ABHD1: variants seen among roughly 807,000 people sequenced by gnomAD.
The protein encoded by ABHD1 is abhydrolase domain containing 1.
In ABHD1, 47 loss-of-function variants were observed where a neutral mutation model predicts 41.4. The ratio of observed to expected loss-of-function variants is 1.13; its 90% CI spans 0.90 to 1.45. ABHD1 has a LOEUF of 1.45. Among genes scored for constraint, ABHD1 ranks in the 40% most tolerant of loss-of-function variants. ABHD1 has a pLI of 0.00. For missense variants in ABHD1, 550 were observed against 503.4 expected, an observed-to-expected ratio of 1.09 and a Z score of -0.89; for synonymous variants, 205 against 203.7, an observed-to-expected ratio of 1.01 and a Z score of -0.05.
chr2:27,124,645 T>C (rs1671882256), intron 1 of ABHD1: 1 of 201,544 alleles, frequency 5.0e-6, no homozygotes. Flanking sequence ...CTTTTCTCAC[T>C]GAAATTTAGA....
At chr2:27,128,832 A>G in intron 2 of ABHD1, 113 bp from the exon 3 acceptor site, 1 of 1,327,334 alleles carries the variant, frequency 7.5e-7, no homozygotes, top group Non-Finnish European at 1.0e-6. Context: ...ACACCCTCAG[A>G]TGATGCTGAC....
chr2:27,130,073 G>C (rs768532603), intron 6 of ABHD1, 32 bp from the exon 7 acceptor site: 1 of 1,613,994 alleles, frequency 6.2e-7, no homozygotes, highest in Admixed American at 1.7e-5. Flanking sequence ...TCAGATCCAG[G>C]TGTCAAGCCA....
At position 27,127,236 on chromosome 2, in the gene ABHD1, CTTTTTTTT is replaced by C. The variant is rs61505752; in HGVS notation, c.115-1186_115-1179del. On this transcript the variant is annotated intron_variant, in intron 1 of 8. Coordinates refer to ENST00000316470, the MANE Select transcript of ABHD1 (RefSeq NM_032604.4). The stretch of plus-strand genomic sequence containing the variant: ...TAGGAAGAAGACAGTGTAGCTTCAT[CTTTTTTTT>C]TTTTTTTTTTTTTTTTTTAAGACGG... 1.6e-3 allele frequency among the ~76,000 whole-genome samples: 129 copies of C among 82,742 alleles called. 1 individual carries two copies. The highest frequency in any genetic ancestry group is 8.1e-3 in the Middle Eastern group (1 of 124). 54.3% of individuals were successfully genotyped at this position (82,742 alleles called of 152,430 possible).
Position 27,128,353 on chromosome 2 carries a change from A to AG in ABHD1, c.115-83dup. ...GGGTCCTCCAGGCTGGGCTCTGGAG[A>AG]GGGGGCCCCCTCACCCTCTGGTGTT... On this transcript the variant is annotated intron_variant, in intron 1 of 8. Transcript: ENST00000316470. The AG allele has an allele frequency of 6.4e-6, 10 of 1,572,332 alleles. No homozygotes were observed. The South Asian group carries it at 1.0e-4, about 16-fold the overall frequency.
chr2:27,124,076 C>G lies in ABHD1; in HGVS notation c.114+14C>G, dbSNP rs759639089. 1.9e-6 allele frequency: 3 copies of G among 1,611,432 alleles called. No homozygotes were observed. Among genetic ancestry groups the G allele is most frequent in the Admixed American group, 1.7e-5 (1 of 60,016 alleles). ...TGTGTGCTTCAGGTGGGTGCGGGTC[C>G]ACCGCTCTGGCCAGCGGGTTTGGGT... is the stretch of plus-strand genomic sequence containing the variant. On this transcript the variant is annotated intron_variant, in intron 1 of 8. Coordinates refer to ENST00000316470, the MANE Select transcript of ABHD1 (RefSeq NM_032604.4).
chr2:27,124,387 T>A (rs555255379), intron 1 of ABHD1: 2 of 397,034 alleles, frequency 5.0e-6, no homozygotes, highest in East Asian at 1.3e-4. Flanking sequence ...GCTGAGTCTT[T>A]CAGCTGCACT....
chr2:27,124,272 G>T (rs1469662298), intron 1 of ABHD1: 1 of 667,726 alleles, frequency 1.5e-6, no homozygotes, highest in Non-Finnish European at 2.8e-6. Context: ...GTACCGGAGG[G>T]TGCTGCTCCC....
intron 1 of ABHD1, chr2:27,125,630 T>C (rs1456786437): frequency 6.6e-6 from 1 of 152,192 alleles, no homozygotes; most frequent in East Asian, 1.9e-4. Context: ...CCGAGCACAG[T>C]GGCTCATGCC....
chr2:27,129,301 CTGTG>C lies in ABHD1; in HGVS notation c.459-10_459-7del, dbSNP rs1672114844. ...TAAGAAGGGTCTGGCTAAGATGTACCTGTGTGTGCCACAGGGCTGTCGTGTTTAA... is the reference window on the plus strand; with the variant it reads ...TAAGAAGGGTCTGGCTAAGATGTACCTGTGCCACAGGGCTGTCGTGTTTAA... On this transcript the variant is annotated splice_polypyrimidine_tract_variant and intron_variant, in intron 3 of 8. Transcript: ENST00000316470. The C allele has an allele frequency of 6.2e-7, 1 of 1,614,098 alleles. No individual in the cohort carries two copies.
intron 6 of ABHD1, 56 bp downstream of exon 6, chr2:27,129,983 C>A: frequency 6.2e-7 from 1 of 1,611,140 alleles, no homozygotes; most frequent in Non-Finnish European, 8.5e-7. Flanking sequence ...GCAGACACTC[C>A]AGGCTCTCCT....
At chr2:27,129,223 C>A in intron 3 of ABHD1, 93 bp from the exon 4 acceptor site, 8 of 1,597,240 alleles carry the variant, frequency 5.0e-6, no homozygotes, top group Non-Finnish European at 6.0e-6. Flanking sequence ...GAATGCTACA[C>A]AAAGGGAGTC....
Position 27,128,490 on chromosome 2 carries a change from ACT to A in ABHD1, c.165_166del (p.His55GlnfsTer16), listed in dbSNP as rs1337211972. On this transcript the variant is annotated frameshift_variant, in exon 2 of 9. Coordinates refer to ENST00000316470, the MANE Select transcript of ABHD1 (RefSeq NM_032604.4). LOFTEE classifies it high-confidence loss of function. ...CAGTTTCTGGCCTTCCTGGAGCCAC[ACT>A]GTTCCATCACCACCGAGACTTTCTA... The A allele has an allele frequency of 6.2e-7, 1 of 1,613,226 alleles. No individual in the cohort carries two copies. The highest frequency in any genetic ancestry group is 8.5e-7 in the Non-Finnish European group (1 of 1,179,812).
chr2:27,129,002 T>TGACAGCAGCCA lies in ABHD1; in HGVS notation c.334_344dup (p.Asp116ThrfsTer32). On this transcript the variant is annotated frameshift_variant, in exon 3 of 9. Transcript: ENST00000316470. LOFTEE classifies it high-confidence loss of function. ...TCCTGCTAGACTGGGCCAAGCAGCC[T>TGACAGCAGCCA]GACAGCAGCCAAGACCCTGATCCTA... 6.2e-7 allele frequency: 1 copy of TGACAGCAGCCA among 1,614,204 alleles called. No individual in the cohort carries two copies. The highest frequency in any genetic ancestry group is 8.5e-7 in the Non-Finnish European group (1 of 1,180,028).
chr2:27,126,432 G>A (rs1671956915), intron 1 of ABHD1: 1 of 152,234 alleles, frequency 6.6e-6, no homozygotes, highest in Admixed American at 6.5e-5. Flanking sequence ...TATCGACTTG[G>A]CATCTCTACC....
At chr2:27,124,295 A>T (rs1481936148) in intron 1 of ABHD1, 1 of 627,294 alleles carries the variant, frequency 1.6e-6, no homozygotes, top group Non-Finnish European at 3.0e-6. Context: ...TAATGTGGAC[A>T]AGCATTTGGG....
In ABHD1 at chr2:27,130,238, G is replaced by C. The variant is rs777763695; in HGVS notation, c.841-13G>C. The C allele has an allele frequency of 6.2e-7, 1 of 1,614,070 alleles. No homozygotes were observed. Among genetic ancestry groups the C allele is most frequent in the Admixed American group, 1.7e-5 (1 of 59,986 alleles). On this transcript the variant is annotated splice_polypyrimidine_tract_variant and intron_variant, in intron 7 of 8. Transcript: ENST00000316470. Reference sequence around the variant, plus strand: ...CTTTATCATCTTAGCCTATCCTATGGTAAGACCTGCAGGCCCGTACAATCC... The same window carrying C: ...CTTTATCATCTTAGCCTATCCTATGCTAAGACCTGCAGGCCCGTACAATCC...
chr2:27,128,885 G>A (rs1043098597), intron 2 of ABHD1, 60 bp from the exon 3 acceptor site: 2 of 1,560,682 alleles, frequency 1.3e-6, no homozygotes, highest in South Asian at 1.2e-5. Flanking sequence ...AGGGGGCAAA[G>A]CTTTTGAATT....
Position 27,130,115 on chromosome 2 carries a change from G to T in ABHD1, c.802G>T (p.Val268Leu). 6.2e-7 allele frequency: 1 copy of T among 1,614,202 alleles called. No individual in the cohort carries two copies. Among genetic ancestry groups the T allele is most frequent in the Non-Finnish European group, 8.5e-7 (1 of 1,180,042 alleles). Residue 268 changes from valine (V) to leucine (L), a missense_variant, in exon 7 of 9, where the codon GTG becomes TTG. By Grantham distance (32) the Val-to-Leu change is conservative (BLOSUM62 1). Transcript: ENST00000316470. ...TATGTACTTTTGCAGAAACAGAAAG[G>T]TGATTGAAAAGGTGGTGGACATAGA... ...LCQLVERNRK[V>L]IEKVVDIDFV... is the part of the protein sequence containing the mutation.
chr2:27,129,661 TCTTC>T (rs1160574796), intron 5 of ABHD1, 35 bp downstream of exon 5: 4 of 1,609,768 alleles, frequency 2.5e-6, no homozygotes, highest in African/African-American at 2.7e-5. Context: ...AGAGGCCCAG[TCTTC>T]CTTTTTTTCC....
Sources: allele counts gnomAD v4.1 joint callset (sites outside exome capture counted in the v4.1 genomes callset), GRCh38; gene constraint gnomAD v4.1.1; transcripts MANE v1.5; gene names NCBI Gene and HGNC (gene_info 2026-07-23, HGNC 2026-07-21).